Variants in AKAP13 observed in about 807,000 individuals in gnomAD.
The protein encoded by AKAP13 is A-kinase anchor protein 13.
AKAP13 carries 80 observed loss-of-function variants against 264.5 expected under a neutral mutation model. The ratio of observed to expected loss-of-function variants is 0.30; its 90% CI spans 0.25 to 0.36. The LOEUF (loss-of-function observed/expected upper bound fraction) is 0.36, where lower values mean the gene tolerates loss of function less well. AKAP13 is among the 10% of genes least tolerant of loss of function. The probability of loss-of-function intolerance (pLI) is 1.00; values close to 1 mark genes in which losing one functional copy is unlikely to be tolerated. For missense variants in AKAP13, 3,712 were observed against 3,435.2 expected (o/e 1.08, Z -2.01); for synonymous variants, 1,380 against 1,250.2 (o/e 1.10, Z -2.19).
At chr15:85,520,736 C>G (rs1189524445) in intron 2 of AKAP13, 1 of 518,566 alleles carries the variant, frequency 1.9e-6, no homozygotes, top group Non-Finnish European at 3.8e-6. Flanking sequence ...TGAACATGTT[C>G]CAGGAGCTTT....
At chr15:85,670,717 A>G (rs1240726183) in intron 14 of AKAP13, 3 of 152,012 alleles carry the variant, frequency 2.0e-5, no homozygotes, top group Non-Finnish European at 2.9e-5. Context: ...CTTTTCAACA[A>G]TGTCAAGCTC....
At chr15:85,740,842 G>GT (rs2088921707) in intron 34 of AKAP13, among the ~76,000 whole-genome samples, 2 of 132,704 alleles carry the variant, frequency 1.5e-5, no homozygotes, top group South Asian at 2.4e-4. Context: ...ACAAAAACCC[G>GT]TGAGTTCCTG....
chr15:85,427,275 A>C (rs188750426), intron 1 of AKAP13, among the ~76,000 whole-genome samples: 168 of 152,140 alleles, frequency 1.1e-3, no homozygotes, highest in African/African-American at 4.0e-3. Flanking sequence ...TTTCTGGTTT[A>C]TAAGAATTGA....
At position 85,722,210 on chromosome 15, in the gene AKAP13, G is replaced by C. The variant is rs370795402; in HGVS notation, c.6379-20G>C. The C allele has an allele frequency of 8.7e-6, 14 of 1,610,432 alleles. No individual in the cohort carries two copies. Among genetic ancestry groups the C allele is most frequent in the Middle Eastern group, 1.7e-4 (1 of 6,028 alleles). On this transcript the variant is annotated intron_variant, in intron 24 of 36. Transcript: ENST00000394518. Reference sequence around the variant, plus strand: ...AGCCTTTTTCATGTGATTCCTCACAGTCTGTTTACTCCCTTGCAGAAGAAG... The same window carrying C: ...AGCCTTTTTCATGTGATTCCTCACACTCTGTTTACTCCCTTGCAGAAGAAG...
At chr15:85,701,804 G>C (rs79781198) in intron 17 of AKAP13, among the ~76,000 whole-genome samples, 1,839 of 106,600 alleles carry the variant, frequency 0.017, 122 homozygotes, top group Admixed American at 0.16. Flanking sequence ...AGTTGGGCTT[G>C]ACTGTTACCC....
At chr15:85,450,992 C>G (rs1446915644) in intron 1 of AKAP13, among the ~76,000 whole-genome samples, 2 of 152,152 alleles carry the variant, frequency 1.3e-5, no homozygotes, top group Admixed American at 1.3e-4. Context: ...GAGTCCATGT[C>G]TCTTTGTAGG....
intron 2 of AKAP13, among the ~76,000 whole-genome samples, chr15:85,507,730 G>T (rs73450336): frequency 0.043 from 6,614 of 152,304 alleles, 470 homozygotes; most frequent in African/African-American, 0.15. Context: ...CTGGGGACTG[G>T]TGTAATCAGC....
chr15:85,719,507 C>T (rs942729238), intron 23 of AKAP13, among the ~76,000 whole-genome samples, 181 bp downstream of exon 23: 2 of 152,134 alleles, frequency 1.3e-5, no homozygotes, highest in African/African-American at 4.8e-5. Context: ...AGTAGGGTTT[C>T]TCTCCTAATG....
At chr15:85,649,071 A>G (rs762765488) in intron 10 of AKAP13, among the ~76,000 whole-genome samples, 1 of 152,246 alleles carries the variant, frequency 6.6e-6, no homozygotes, top group Non-Finnish European at 1.5e-5. Context: ...GGGCTGACTT[A>G]CAAAAAGGAG....
At chr15:85,562,280 C>T (rs907068646) in intron 5 of AKAP13, among the ~76,000 whole-genome samples, 2 of 151,890 alleles carry the variant, frequency 1.3e-5, no homozygotes, top group Admixed American at 1.3e-4. Context: ...GAATATATAT[C>T]TCGGCCGGGC....
intron 1 of AKAP13, among the ~76,000 whole-genome samples, chr15:85,440,909 A>G (rs1194535559): frequency 3.3e-5 from 5 of 152,224 alleles, no homozygotes; most frequent in Non-Finnish European, 1.5e-5. Flanking sequence ...TAGTGCAAGT[A>G]GATTTCACTG....
At chr15:85,533,324 T>C (rs112910918) in intron 3 of AKAP13, among the ~76,000 whole-genome samples, 1 of 152,210 alleles carries the variant, frequency 6.6e-6, no homozygotes, top group African/African-American at 2.4e-5. Context: ...CCAGATACCA[T>C]GTTATAGGCA....
chr15:85,677,914 C>T (rs183133261), intron 14 of AKAP13, among the ~76,000 whole-genome samples: 2 of 152,234 alleles, frequency 1.3e-5, no homozygotes, highest in Admixed American at 1.3e-4. Context: ...TCCCAAAGTA[C>T]TGGGATTACA....
At chr15:85,680,599 T>A (rs1197862330) in intron 14 of AKAP13, among the ~76,000 whole-genome samples, 4 of 152,192 alleles carry the variant, frequency 2.6e-5, no homozygotes, top group Non-Finnish European at 5.9e-5. Context: ...GTGCAATGGC[T>A]CACCCCTGTA....
chr15:85,603,374 A>G (rs1263254380), intron 8 of AKAP13, among the ~76,000 whole-genome samples: 3 of 152,280 alleles, frequency 2.0e-5, no homozygotes, highest in Admixed American at 1.3e-4. Flanking sequence ...CTAAGGCACC[A>G]TCAGTGCAGA....
intron 5 of AKAP13, among the ~76,000 whole-genome samples, chr15:85,549,393 A>G (rs940187949): frequency 2.0e-4 from 30 of 152,370 alleles, no homozygotes; most frequent in Middle Eastern, 6.8e-3. Context: ...TTCAGTTGCC[A>G]TAAGAGCCAG....
In AKAP13 at chr15:85,741,033, G is replaced by C; in HGVS notation, c.7609-13G>C. 1 of 1,594,430 alleles carries C rather than the reference G, an allele frequency of 6.3e-7. No homozygotes were observed. ...GGCCAGAGTTGCAGGGCTCCCCTCT[G>C]TGTGCCTCCCAGGGTGTGGTGCTGC... On this transcript the variant is annotated splice_polypyrimidine_tract_variant and intron_variant, in intron 34 of 36. Coordinates refer to ENST00000394518, the MANE Select transcript of AKAP13 (RefSeq NM_007200.5).
At chr15:85,410,976 A>G (rs1375230118) in intron 1 of AKAP13, among the ~76,000 whole-genome samples, 1 of 148,568 alleles carries the variant, frequency 6.7e-6, no homozygotes, top group South Asian at 2.1e-4. Context: ...ACACGTAGGT[A>G]ATTGATGGAT....
chr15:85,712,159 A>C lies in AKAP13; in HGVS notation c.5599+1514A>C, dbSNP rs149055830. Among the ~76,000 whole-genome samples the C allele has an allele frequency of 8.5e-5, 13 of 152,194 alleles. No individual in the cohort carries two copies. In the South Asian group the frequency reaches 1.9e-3, roughly 22 times the overall value. ...TGGTCTGTGTTTTAATAGATCCTCCAGGTGATTCTGATGCCCACTCAAGCT... is the reference window on the plus strand; with the variant it reads ...TGGTCTGTGTTTTAATAGATCCTCCCGGTGATTCTGATGCCCACTCAAGCT... On this transcript the variant is annotated intron_variant, in intron 19 of 36. Transcript: ENST00000394518.
Sources: gnomAD v4.1 joint callset for allele counts (sites outside exome capture counted in the v4.1 genomes callset) on GRCh38, gnomAD v4.1.1 for gene constraint, MANE v1.5 for transcripts, NCBI Gene and HGNC (gene_info 2026-07-23, HGNC 2026-07-21) for gene names.